Variants in CSGALNACT1 observed in about 807,000 individuals in gnomAD.
CSGALNACT1 encodes the protein chondroitin sulfate N-acetylgalactosaminyltransferase 1, also known as beta4GalNAcT-1.
In CSGALNACT1, 52 loss-of-function variants were observed where a neutral mutation model predicts 51.0. That is an observed-to-expected ratio of 1.02 (90% CI 0.82 to 1.29). The LOEUF (loss-of-function observed/expected upper bound fraction) is 1.29. Ranked by LOEUF, CSGALNACT1 falls within the 50% of genes most tolerant of loss-of-function variation. The pLI is 0.00. For missense variants in CSGALNACT1, 935 were observed against 679.2 expected, an observed-to-expected ratio of 1.38 and a Z score of -4.19; for synonymous variants, 341 against 254.4, an observed-to-expected ratio of 1.34 and a Z score of -3.24.
intron 4 of CSGALNACT1, among the ~76,000 whole-genome samples, chr8:19,463,179 C>T (rs765906453): frequency 9.7e-4 from 147 of 152,196 alleles, no homozygotes; most frequent in Middle Eastern, 6.8e-3. Context: ...CTGTGTAGTA[C>T]TCCATGGTAT....
intron 5 of CSGALNACT1, among the ~76,000 whole-genome samples, chr8:19,454,263 G>A (rs1328498362): frequency 4.6e-5 from 7 of 152,188 alleles, no homozygotes; most frequent in Non-Finnish European, 1.0e-4. Context: ...ACTCAGGAAT[G>A]GAAAGCTATT....
intron 3 of CSGALNACT1, among the ~76,000 whole-genome samples, chr8:19,576,719 C>A (rs2044308875): frequency 6.6e-6 from 1 of 152,052 alleles, no homozygotes; most frequent in Non-Finnish European, 1.5e-5. Flanking sequence ...GACAGCCTTT[C>A]TAACCCACCT....
At chr8:19,644,534 A>AC (rs757625833) in intron 1 of CSGALNACT1, among the ~76,000 whole-genome samples, 1 of 151,220 alleles carries the variant, frequency 6.6e-6, no homozygotes, top group Non-Finnish European at 1.5e-5. Flanking sequence ...ACATGGTAAA[A>AC]CCCCATCTCT....
rs1241367566 is a variant in CSGALNACT1 at position 19,409,518 on chromosome 8, G to C, written c.1228-824C>G. On this transcript the variant is annotated intron_variant, in intron 8 of 9. Transcript: ENST00000454498. ...ATATATATAGAGAGAGAGAGAGAGA[G>C]AGAAACACACACACAAACACATATA... Among the ~76,000 whole-genome samples the C allele has an allele frequency of 2.0e-5, 3 of 151,382 alleles. No individual in the cohort carries two copies. In the East Asian group the frequency reaches 5.9e-4, roughly 30 times the overall value.
chr8:19,750,367 G>C (rs752502071), intron 1 of CSGALNACT1, among the ~76,000 whole-genome samples: 1 of 152,040 alleles, frequency 6.6e-6, no homozygotes, highest in Non-Finnish European at 1.5e-5. Flanking sequence ...GATCACACTC[G>C]GCCTTGGATT....
chr8:19,436,818 G>T (rs1393693033), intron 6 of CSGALNACT1, among the ~76,000 whole-genome samples: 1 of 152,162 alleles, frequency 6.6e-6, no homozygotes, highest in African/African-American at 2.4e-5. Flanking sequence ...GGCTAAGTTG[G>T]GAAGACCATG....
rs146509117 is a variant in CSGALNACT1, at chr8:19,546,702, T to C, written c.-296-40572A>G. ...CTGAAATGTACAATAAATATTCTTG[T>C]TGCTACTAGCACAGAAATGTAATAA... is the stretch of plus-strand genomic sequence containing the variant. On this transcript the variant is annotated intron_variant, in intron 3 of 9. Coordinates refer to ENST00000454498, the Ensembl canonical transcript of CSGALNACT1. Among the ~76,000 whole-genome samples the C allele has an allele frequency of 6.3e-3, 958 of 152,334 alleles. 30 individuals are homozygous for C. The highest frequency in any genetic ancestry group is 0.056 in the Admixed American group (863 of 15,294).
chr8:19,663,368 C>T (rs774644715), intron 1 of CSGALNACT1, among the ~76,000 whole-genome samples: 7 of 152,118 alleles, frequency 4.6e-5, no homozygotes, highest in Non-Finnish European at 8.8e-5. Context: ...GTCCTCTTCT[C>T]GCCAAAATCT....
chr8:19,693,189 C>A (rs3735956), intron 1 of CSGALNACT1, among the ~76,000 whole-genome samples: 3 of 151,976 alleles, frequency 2.0e-5, no homozygotes, highest in Admixed American at 6.6e-5. Context: ...ACTGGAGGAC[C>A]AGAGGAAGCC....
chr8:19,594,294 G>A (rs745390202), intron 2 of CSGALNACT1, among the ~76,000 whole-genome samples: 12 of 152,138 alleles, frequency 7.9e-5, no homozygotes, highest in Admixed American at 2.6e-4. Context: ...ATAAGGCAAG[G>A]GAAGTGAGAG....
At chr8:19,740,095 G>C (rs78294689) in intron 1 of CSGALNACT1, among the ~76,000 whole-genome samples, 2,835 of 152,180 alleles carry the variant, frequency 0.019, 42 homozygotes, top group Non-Finnish European at 0.027. Context: ...CCCTACCCCT[G>C]CAGCCCCTAA....
chr8:19,566,514 T>G (rs960748356), intron 3 of CSGALNACT1, among the ~76,000 whole-genome samples: 1 of 152,268 alleles, frequency 6.6e-6, no homozygotes, highest in African/African-American at 2.4e-5. Context: ...CTTAATGGAC[T>G]GCTTAATATG....
exon 4 of CSGALNACT1, chr8:19,505,362 T>C (rs1322806548): frequency 6.2e-7 from 1 of 1,614,108 alleles, no homozygotes; most frequent in African/African-American, 1.3e-5. Flanking sequence ...AGTCTCCAGC[T>C]GGTACACCTT....
intron 1 of CSGALNACT1, among the ~76,000 whole-genome samples, chr8:19,651,492 A>T (rs780810881): frequency 3.9e-5 from 6 of 152,144 alleles, no homozygotes; most frequent in Non-Finnish European, 8.8e-5. Flanking sequence ...TTTAGCTCCC[A>T]CTTGTAAGCG....
At chr8:19,643,298 T>G (rs1039305984) in intron 1 of CSGALNACT1, among the ~76,000 whole-genome samples, 1 of 152,102 alleles carries the variant, frequency 6.6e-6, no homozygotes, top group Non-Finnish European at 1.5e-5. Context: ...TATAAAGATG[T>G]TTTACAAGCT....
At position 19,676,089 on chromosome 8, in the gene CSGALNACT1, AACAAAACAAAAC is replaced by A. The variant is rs1312615119; in HGVS notation, c.-544+6372_-544+6383del. 1.6e-4 allele frequency among the ~76,000 whole-genome samples: 18 copies of A among 112,010 alleles called. 1 individual carries two copies. Among genetic ancestry groups the A allele is most frequent in the African/African-American group, 6.4e-4 (18 of 28,286 alleles). The allele number at this position is 112,010 out of a possible 152,430, so 73.5% of individuals were successfully genotyped here. On this transcript the variant is annotated intron_variant, in intron 1 of 9. Coordinates refer to the CSGALNACT1 transcript ENST00000332246. ...TGGATGGTGGTTGTCTGATTTAAAA[AACAAAACAAAAC>A]AAAAAAAACTCCCAGATTACAAAAG... is the stretch of plus-strand genomic sequence containing the variant.
At chr8:19,504,561 G>C (rs944571739) in intron 4 of CSGALNACT1, among the ~76,000 whole-genome samples, 2 of 152,022 alleles carry the variant, frequency 1.3e-5, no homozygotes, top group African/African-American at 2.4e-5. Context: ...TTAATACTAG[G>C]CTGTCCTACG....
intron 1 of CSGALNACT1, among the ~76,000 whole-genome samples, chr8:19,668,322 T>TTG (rs2059541797): frequency 6.9e-6 from 1 of 145,192 alleles, no homozygotes; most frequent in African/African-American, 2.6e-5. Flanking sequence ...AATCTCTGTC[T>TTG]TGCACATACA....
At chr8:19,425,901 G>A (rs565159808) in intron 6 of CSGALNACT1, among the ~76,000 whole-genome samples, 69 of 152,118 alleles carry the variant, frequency 4.5e-4, no homozygotes, top group African/African-American at 1.5e-3. Flanking sequence ...AAGAATCACC[G>A]CCCCTCCTGT....
Sources: gnomAD v4.1 joint callset for allele counts (sites outside exome capture counted in the v4.1 genomes callset) on GRCh38, gnomAD v4.1.1 for gene constraint, MANE v1.5 for transcripts, NCBI Gene and HGNC (gene_info 2026-07-23, HGNC 2026-07-21) for gene names.